The following PITPNB variants were observed in gnomAD, a reference collection of about 807,000 sequenced individuals.
PITPNB encodes the protein phosphatidylinositol transfer protein beta.
Under a neutral mutation model 45.9 loss-of-function variants are expected in PITPNB, and 16 were observed. The observed-to-expected ratio is 0.35, with a 90% CI of 0.24 to 0.53. The LOEUF (loss-of-function observed/expected upper bound fraction) is 0.53. PITPNB is among the 20% of genes least tolerant of loss of function. The pLI is 0.93. For missense variants in PITPNB, 188 were observed against 330.5 expected (o/e 0.57, Z 3.34); for synonymous variants, 112 against 108.9 (o/e 1.03, Z -0.18).
chr22:27,860,797 T>A (rs1296837814), intron 8 of PITPNB, among the ~76,000 whole-genome samples: 1 of 152,198 alleles, frequency 6.6e-6, no homozygotes, highest in Non-Finnish European at 1.5e-5. Flanking sequence ...AGACTTCAAT[T>A]TCCACAAATG....
intron 5 of PITPNB, 43 bp downstream of exon 5, chr22:27,897,087 T>G: frequency 7.3e-7 from 1 of 1,361,088 alleles, no homozygotes; most frequent in Non-Finnish European, 1.1e-6. Context: ...AAACAAAGTT[T>G]AAAGATAAAG....
intron 1 of PITPNB, among the ~76,000 whole-genome samples, chr22:27,915,121 T>C (rs1936039580): frequency 6.6e-6 from 1 of 152,200 alleles, no homozygotes; most frequent in Non-Finnish European, 1.5e-5. Context: ...CCTTAATTTA[T>C]TTCCACCATA....
At chr22:27,875,651 T>C (rs544645947) in intron 7 of PITPNB, among the ~76,000 whole-genome samples, 94 of 152,342 alleles carry the variant, frequency 6.2e-4, no homozygotes, top group African/African-American at 2.1e-3. Context: ...TTTTCAAACA[T>C]TGAAAGTATT....
chr22:27,853,272 A>G lies in PITPNB; in HGVS notation c.*430T>C. 1 of 238,594 alleles carries G rather than the reference A, an allele frequency of 4.2e-6. No individual in the cohort carries two copies. Among genetic ancestry groups the G allele is most frequent in the African/African-American group, 2.2e-5 (1 of 44,806 alleles). 14.8% of individuals were successfully genotyped at this position (238,594 alleles called of 1,614,324 possible). A position where few individuals can be genotyped will look rare whatever the true frequency, so the allele number is the denominator to read the frequency against. The stretch of plus-strand genomic sequence containing the variant: ...ACATTTATGAAACATACCAGCTAGT[A>G]TTACATTGCAGTCAATTTGTCCATT... On this transcript the variant is annotated 3_prime_UTR_variant, in exon 12 of 12. Coordinates refer to ENST00000335272, the MANE Select transcript of PITPNB (RefSeq NM_012399.5).
chr22:27,854,577 G>A (rs1414244608), intron 11 of PITPNB, among the ~76,000 whole-genome samples: 3 of 152,140 alleles, frequency 2.0e-5, no homozygotes, highest in African/African-American at 7.2e-5. Context: ...CTGGCTTCCA[G>A]GACAATGTGC....
At chr22:27,857,304 G>A (rs1305014704) in intron 10 of PITPNB, among the ~76,000 whole-genome samples, 4 of 152,156 alleles carry the variant, frequency 2.6e-5, no homozygotes, top group Admixed American at 2.0e-4. Context: ...TTTACTTTAT[G>A]TATAAGATAA....
intron 3 of PITPNB, chr22:27,910,551 G>A (rs1471790172): frequency 6.3e-6 from 1 of 159,286 alleles, no homozygotes; most frequent in African/African-American, 2.4e-5. Context: ...CAATATGGAA[G>A]ATGTTCATCA....
Position 27,919,241 on chromosome 22 carries a change from C to T in PITPNB, c.-50G>A, listed in dbSNP as rs1189093638. ...CCGCCGATACCACCGCCGCCGCCGC[C>T]GCTACCGCCTCTCACAGCGCCTGCG... On this transcript the variant is annotated 5_prime_UTR_variant, in exon 1 of 12. Coordinates refer to ENST00000335272, the MANE Select transcript of PITPNB (RefSeq NM_012399.5). 2.0e-6 allele frequency: 3 copies of T among 1,511,374 alleles called. No individual in the cohort carries two copies. The highest frequency in any genetic ancestry group is 1.7e-5 in the Admixed American group (1 of 59,860). The allele number at this position is 1,511,374 out of a possible 1,614,324, so 93.6% of individuals were successfully genotyped here.
chr22:27,882,655 A>C (rs559260170), intron 7 of PITPNB, among the ~76,000 whole-genome samples: 9 of 152,246 alleles, frequency 5.9e-5, no homozygotes, highest in Non-Finnish European at 1.3e-4. Context: ...TTCATTTAGT[A>C]AACTGCAAAA....
intron 7 of PITPNB, among the ~76,000 whole-genome samples, chr22:27,888,331 G>C (rs1369485006): frequency 6.6e-6 from 1 of 152,210 alleles, no homozygotes; most frequent in African/African-American, 2.4e-5. Flanking sequence ...ACAGTGGGTA[G>C]AGTTAATTCC....
intron 8 of PITPNB, among the ~76,000 whole-genome samples, chr22:27,866,475 T>C (rs944271717): frequency 2.0e-5 from 3 of 152,330 alleles, no homozygotes; most frequent in South Asian, 2.1e-4. Context: ...AATCAGTACA[T>C]GTTATCCACA....
intron 7 of PITPNB, among the ~76,000 whole-genome samples, chr22:27,888,246 A>G (rs925598229): frequency 6.6e-6 from 1 of 152,170 alleles, no homozygotes; most frequent in Non-Finnish European, 1.5e-5. Context: ...AGTGTGCCAC[A>G]ATGATTTTAA....
intron 7 of PITPNB, among the ~76,000 whole-genome samples, chr22:27,884,299 T>C (rs1935055334): frequency 1.3e-5 from 2 of 152,194 alleles, no homozygotes; most frequent in South Asian, 4.1e-4. Context: ...GGAAATTATA[T>C]TCATGGGCAG....
At chr22:27,890,130 C>T (rs778767874) in intron 7 of PITPNB, among the ~76,000 whole-genome samples, 1 of 152,004 alleles carries the variant, frequency 6.6e-6, no homozygotes, top group Non-Finnish European at 1.5e-5. Context: ...ACCCAGGGTC[C>T]CTGCACCACT....
chr22:27,893,776 A>G (rs1428444402), intron 7 of PITPNB, among the ~76,000 whole-genome samples: 1 of 151,702 alleles, frequency 6.6e-6, no homozygotes, highest in Non-Finnish European at 1.5e-5. Context: ...TTCTTTTTAG[A>G]GACAGGATCT....
chr22:27,873,882 T>C lies in PITPNB; in HGVS notation c.457-67A>G, dbSNP rs145464044. 1.8e-3 allele frequency: 1,865 copies of C among 1,026,724 alleles called. 14 individuals carry two copies. The African/African-American group carries it at 0.022, about 12-fold the overall frequency. 63.6% of individuals were successfully genotyped at this position (1,026,724 alleles called of 1,614,324 possible). A position where few individuals can be genotyped will look rare whatever the true frequency, so the allele number is the denominator to read the frequency against. ...AGAATATTCTTTAACCGTGCCAGAA[T>C]AGCTCTTCGCAGCTACCAAAACACA... On this transcript the variant is annotated intron_variant, in intron 7 of 11. Coordinates refer to ENST00000335272, the MANE Select transcript of PITPNB (RefSeq NM_012399.5).
chr22:27,853,681 G>A lies in PITPNB; in HGVS notation c.*39-18C>T. The A allele has an allele frequency of 6.5e-7, 1 of 1,538,732 alleles. No individual in the cohort carries two copies. The highest frequency in any genetic ancestry group is 1.2e-5 in the South Asian group (1 of 83,850). On this transcript the variant is annotated intron_variant, in intron 11 of 11. Coordinates refer to ENST00000335272, the MANE Select transcript of PITPNB (RefSeq NM_012399.5). ...TTACGTAACTGTAAGAAAAGTGAAAGACAGTGCAAAATGTGTTAAAATACA... is the reference window on the plus strand; with the variant it reads ...TTACGTAACTGTAAGAAAAGTGAAAAACAGTGCAAAATGTGTTAAAATACA...
At chr22:27,858,021 G>A (rs1934221290) in intron 10 of PITPNB, among the ~76,000 whole-genome samples, 1 of 151,178 alleles carries the variant, frequency 6.6e-6, no homozygotes, top group African/African-American at 2.4e-5. Context: ...AGCTTGCTGT[G>A]ATACAAACTG....
chr22:27,891,896 T>A (rs1935291019), intron 7 of PITPNB, among the ~76,000 whole-genome samples: 2 of 152,242 alleles, frequency 1.3e-5, no homozygotes, highest in Non-Finnish European at 2.9e-5. Context: ...TACTCTCATT[T>A]TACACAAGAT....
Sources: gnomAD v4.1 joint callset for allele counts (sites outside exome capture counted in the v4.1 genomes callset) on GRCh38, gnomAD v4.1.1 for gene constraint, MANE v1.5 for transcripts, NCBI Gene and HGNC (gene_info 2026-07-23, HGNC 2026-07-21) for gene names.